Variants in WASF2 observed in about 807,000 individuals in gnomAD.
WASF2 encodes WASP family member 2.
WASF2 carries 14 observed loss-of-function variants against 45.0 expected under a neutral mutation model. The ratio of observed to expected loss-of-function variants is 0.31; its 90% CI spans 0.21 to 0.49. The LOEUF (loss-of-function observed/expected upper bound fraction) is 0.49, where lower values mean the gene tolerates loss of function less well. Ranked by LOEUF, WASF2 falls within the 20% of genes least tolerant of loss-of-function variation. The probability of loss-of-function intolerance (pLI) is 0.99; values close to 1 mark genes in which losing one functional copy is unlikely to be tolerated. For missense variants in WASF2, 439 were observed against 636.1 expected (o/e 0.69, Z 3.33); for synonymous variants, 200 against 236.3 (o/e 0.85, Z 1.41).
chr1:27,463,836 C>T (rs2017581383), intron 1 of WASF2, among the ~76,000 whole-genome samples: 1 of 145,604 alleles, frequency 6.9e-6, no homozygotes, highest in African/African-American at 2.5e-5. Context: ...GAGTTTCACT[C>T]TTGTTGCCCA....
chr1:27,462,617 CTT>C (rs2017561114), intron 1 of WASF2, among the ~76,000 whole-genome samples: 1 of 152,042 alleles, frequency 6.6e-6, no homozygotes, highest in South Asian at 2.1e-4. Flanking sequence ...TACTAATGCT[CTT>C]TATGGAAAAT....
intron 1 of WASF2, among the ~76,000 whole-genome samples, chr1:27,454,153 GTATATATATATATATATATATA>G (rs869245464): frequency 3.0e-5 from 3 of 98,722 alleles, no homozygotes; most frequent in Admixed American, 1.3e-4. Flanking sequence ...GTGTGTGTGT[GTATATATATATATATATATATA>G]TATATATATA....
chr1:27,416,547 A>G (rs2016828492), intron 4 of WASF2, among the ~76,000 whole-genome samples: 9 of 152,238 alleles, frequency 5.9e-5, no homozygotes, highest in Admixed American at 5.9e-4. Flanking sequence ...CTGTGTGCAC[A>G]TGTGGGAGTT....
At chr1:27,437,897 AC>A (rs2017158315) in intron 1 of WASF2, among the ~76,000 whole-genome samples, 1 of 152,196 alleles carries the variant, frequency 6.6e-6, no homozygotes, top group African/African-American at 2.4e-5. Flanking sequence ...CACACACAAA[AC>A]AAAAAAAGTA....
intron 1 of WASF2, among the ~76,000 whole-genome samples, chr1:27,488,134 T>A (rs1180155185): frequency 2.6e-5 from 4 of 152,156 alleles, no homozygotes; most frequent in Non-Finnish European, 5.9e-5. Flanking sequence ...GCTCCACTGC[T>A]AAGAAACGCC....
intron 1 of WASF2, among the ~76,000 whole-genome samples, chr1:27,430,228 C>G (rs911419699): frequency 1.4e-4 from 22 of 152,236 alleles, no homozygotes; most frequent in African/African-American, 5.1e-4. Context: ...AACTGATCCT[C>G]TTTCCACATC....
chr1:27,427,781 G>C (rs534500872), intron 2 of WASF2, among the ~76,000 whole-genome samples: 7 of 152,128 alleles, frequency 4.6e-5, no homozygotes, highest in African/African-American at 1.7e-4. Context: ...GCAGTGATGC[G>C]ATAGGAGGGG....
rs145170813 is a variant in WASF2 at position 27,416,576 on chromosome 1, C to T, written c.420-474G>A. Among the ~76,000 whole-genome samples, 267 of 152,362 alleles carry T rather than the reference C, an allele frequency of 1.8e-3. 1 individual carries two copies. The highest frequency in any genetic ancestry group is 3.0e-3 in the Non-Finnish European group (202 of 68,038). On this transcript the variant is annotated intron_variant, in intron 4 of 8. Coordinates refer to ENST00000618852, the MANE Select transcript of WASF2 (RefSeq NM_006990.5). ...GGGAGTTCATGTGTATGCATATGTA[C>T]ACATATATACGTGAAAAGTGTGTGG...
chr1:27,442,918 G>A (rs1433972774), intron 1 of WASF2, among the ~76,000 whole-genome samples: 1 of 149,892 alleles, frequency 6.7e-6, no homozygotes, highest in African/African-American at 2.5e-5. Flanking sequence ...TTGAACCTGG[G>A]AGGCAGAGGT....
At chr1:27,445,594 C>T (rs2017300104) in intron 1 of WASF2, among the ~76,000 whole-genome samples, 3 of 152,182 alleles carry the variant, frequency 2.0e-5, no homozygotes, top group African/African-American at 4.8e-5. Context: ...TCCCTCTCTG[C>T]GCCCAATTTT....
chr1:27,486,072 G>A (rs867194922), intron 1 of WASF2, among the ~76,000 whole-genome samples: 1 of 152,156 alleles, frequency 6.6e-6, no homozygotes, highest in Non-Finnish European at 1.5e-5. Flanking sequence ...AAATGCAAAG[G>A]CTGTGAAAAA....
intron 4 of WASF2, among the ~76,000 whole-genome samples, chr1:27,417,076 T>C (rs922184016): frequency 6.6e-6 from 1 of 152,230 alleles, no homozygotes; most frequent in African/African-American, 2.4e-5. Flanking sequence ...CACTCATTTC[T>C]GTTAGGCCAA....
chr1:27,451,306 G>C (rs2017380638), intron 1 of WASF2, among the ~76,000 whole-genome samples: 1 of 152,172 alleles, frequency 6.6e-6, no homozygotes, highest in Non-Finnish European at 1.5e-5. Flanking sequence ...GCAAAGAGGG[G>C]CAGTCAGTTA....
chr1:27,424,265 C>T (rs1485047096), intron 2 of WASF2, among the ~76,000 whole-genome samples: 1 of 152,188 alleles, frequency 6.6e-6, no homozygotes, highest in Admixed American at 6.5e-5. Context: ...TAGATGAAAT[C>T]CCAGTCATCT....
At chr1:27,488,353 G>A (rs867261066) in intron 1 of WASF2, among the ~76,000 whole-genome samples, 4 of 152,126 alleles carry the variant, frequency 2.6e-5, no homozygotes, top group Non-Finnish European at 5.9e-5. Context: ...CACAAAGAAA[G>A]GGATATTAAG....
At chr1:27,457,925 A>G (rs1459964251) in intron 1 of WASF2, among the ~76,000 whole-genome samples, 3 of 152,102 alleles carry the variant, frequency 2.0e-5, no homozygotes, top group African/African-American at 7.2e-5. Flanking sequence ...ACCCAGCCTA[A>G]TATTTCAATA....
intron 1 of WASF2, among the ~76,000 whole-genome samples, chr1:27,435,096 C>T (rs536208564): frequency 6.6e-6 from 1 of 152,228 alleles, no homozygotes; most frequent in East Asian, 1.9e-4. Context: ...TACAGGCATA[C>T]AGCACCATGC....
chr1:27,418,766 G>A (rs980754169), intron 3 of WASF2, among the ~76,000 whole-genome samples, 188 bp downstream of exon 3: 1 of 152,146 alleles, frequency 6.6e-6, no homozygotes, highest in East Asian at 1.9e-4. Context: ...GGAGAAAGGA[G>A]TGCATGGGGG....
chr1:27,447,154 G>A (rs1236758254), intron 1 of WASF2, among the ~76,000 whole-genome samples: 1 of 151,838 alleles, frequency 6.6e-6, no homozygotes, highest in Non-Finnish European at 1.5e-5. Context: ...CTATTAATGA[G>A]TATTATTTTA....
Sources: allele counts gnomAD v4.1 joint callset (sites outside exome capture counted in the v4.1 genomes callset), GRCh38; gene constraint gnomAD v4.1.1; transcripts MANE v1.5; gene names NCBI Gene and HGNC (gene_info 2026-07-23, HGNC 2026-07-21).